FGF14: variants seen among roughly 807,000 people sequenced by gnomAD.
FGF14 encodes the protein fibroblast growth factor 14, also known as fibroblast growth factor homologous factor 4.
A neutral mutation model predicts 25.5 loss-of-function variants in FGF14; 5 were observed. The ratio of observed to expected loss-of-function variants is 0.20; its 90% CI spans 0.10 to 0.41. The LOEUF is 0.41. Among genes scored for constraint, FGF14 ranks in the 10% least tolerant of loss-of-function variants. The probability of loss-of-function intolerance (pLI) is 1.00; values close to 1 mark genes in which losing one functional copy is unlikely to be tolerated. For synonymous variants in FGF14, 138 were observed against 118.3 expected, an observed-to-expected ratio of 1.17 and a Z score of -1.08; for missense variants, 222 against 320.1, an observed-to-expected ratio of 0.69 and a Z score of 2.34.
chr13:101,745,629 G>T (rs2139808962), intron 3 of FGF14, among the ~76,000 whole-genome samples: 1 of 152,072 alleles, frequency 6.6e-6, no homozygotes, highest in African/African-American at 2.4e-5. Context: ...TTTACAAGTA[G>T]GTCTATTTAA....
intron 1 of FGF14, among the ~76,000 whole-genome samples, chr13:102,005,736 T>G (rs1039699340): frequency 4.6e-5 from 7 of 152,196 alleles, no homozygotes; most frequent in Admixed American, 1.3e-4. Context: ...ATATAATACA[T>G]GAAATAAATG....
At chr13:101,979,179 G>A (rs139158405) in intron 1 of FGF14, among the ~76,000 whole-genome samples, 6 of 152,302 alleles carry the variant, frequency 3.9e-5, no homozygotes, top group East Asian at 1.9e-4. Context: ...GCACTGTTCC[G>A]TGGTTCCATT....
intron 1 of FGF14, chr13:101,967,719 G>T (rs1184634146): frequency 6.5e-6 from 1 of 154,270 alleles, no homozygotes; most frequent in East Asian, 1.9e-4. Flanking sequence ...CCTGGAGGTG[G>T]TAAAACACAA....
intron 1 of FGF14, among the ~76,000 whole-genome samples, chr13:102,272,457 C>G (rs1331135045): frequency 6.6e-6 from 1 of 152,036 alleles, no homozygotes; most frequent in East Asian, 1.9e-4. Flanking sequence ...ATTTATTTCA[C>G]CCTTGTAAGT....
At chr13:101,906,690 A>G (rs1052338205) in intron 1 of FGF14, among the ~76,000 whole-genome samples, 1 of 152,144 alleles carries the variant, frequency 6.6e-6, no homozygotes. Flanking sequence ...CATGTCTATA[A>G]ATTTGTTCAT....
chr13:101,838,810 G>A (rs1394925645), intron 3 of FGF14, among the ~76,000 whole-genome samples: 1 of 152,016 alleles, frequency 6.6e-6, no homozygotes, highest in Non-Finnish European at 1.5e-5. Flanking sequence ...TAATGAAAAA[G>A]TTGATAAACA....
chr13:102,013,846 G>A (rs569800748), intron 1 of FGF14, among the ~76,000 whole-genome samples: 1 of 152,070 alleles, frequency 6.6e-6, no homozygotes. Flanking sequence ...ATATCTTTGG[G>A]TGGAGAGATG....
intron 3 of FGF14, among the ~76,000 whole-genome samples, chr13:101,850,805 G>T (rs773686573): frequency 3.0e-4 from 45 of 150,816 alleles, no homozygotes; most frequent in Middle Eastern, 3.4e-3. Context: ...TGAAATGCTA[G>T]AAGTCATGAG....
intron 1 of FGF14, among the ~76,000 whole-genome samples, chr13:102,386,168 T>C (rs1254458476): frequency 6.6e-6 from 1 of 150,822 alleles, no homozygotes; most frequent in Non-Finnish European, 1.5e-5. Flanking sequence ...GGAGTCTTGC[T>C]GTCTCCCAGG....
rs992119093 is a variant in FGF14 at position 101,916,828 on chromosome 13, G to A, written c.-183C>T. ...GACCGGGACCCATCGCCCTCTCCGC[G>A]GGGCGCGGGGCCAGGCGCGCAGATG... is the stretch of plus-strand genomic sequence containing the variant. On this transcript the variant is annotated 5_prime_UTR_variant, in exon 1 of 5. Coordinates refer to ENST00000376143, the MANE Select transcript of FGF14 (RefSeq NM_004115.4). Among the ~76,000 whole-genome samples, 4 of 152,132 alleles carry A rather than the reference G, an allele frequency of 2.6e-5. No individual in the cohort carries two copies. Among genetic ancestry groups the A allele is most frequent in the Non-Finnish European group, 5.9e-5 (4 of 68,002 alleles).
chr13:101,868,882 T>G (rs2044882779), intron 2 of FGF14, 54 bp from the exon 3 acceptor site: 1 of 1,162,484 alleles, frequency 8.6e-7, no homozygotes, highest in Non-Finnish European at 1.3e-6. Flanking sequence ...CAGGGCAGAG[T>G]GTAATTTTTT....
At chr13:101,863,962 C>T (rs576803221) in intron 3 of FGF14, among the ~76,000 whole-genome samples, 1 of 152,130 alleles carries the variant, frequency 6.6e-6, no homozygotes, top group South Asian at 2.1e-4. Flanking sequence ...CAGAGGAGGG[C>T]AGGTGAAACC....
intron 1 of FGF14, among the ~76,000 whole-genome samples, chr13:101,945,541 G>A (rs1020176980): frequency 6.6e-6 from 1 of 152,184 alleles, no homozygotes; most frequent in Non-Finnish European, 1.5e-5. Flanking sequence ...ACCGTGGCAA[G>A]AGGCTGAACC....
At chr13:102,238,114 A>T (rs2051413827) in intron 1 of FGF14, among the ~76,000 whole-genome samples, 1 of 152,214 alleles carries the variant, frequency 6.6e-6, no homozygotes, top group African/African-American at 2.4e-5. Flanking sequence ...CATGCTTACT[A>T]AATGAAATAA....
chr13:102,261,478 G>T (rs913199914), intron 1 of FGF14, among the ~76,000 whole-genome samples: 1 of 152,190 alleles, frequency 6.6e-6, no homozygotes, highest in East Asian at 1.9e-4. Context: ...CAGTTCCCAA[G>T]ATGTCACTAT....
rs182093315 is a variant in FGF14 at position 102,266,171 on chromosome 13, G to T, written c.208+135300C>A. ...TCTAATTAGTGATCCTTTACTTGGG[G>T]TGAGAAAATATAGGCTCAACTTCTA... On this transcript the variant is annotated intron_variant, in intron 1 of 4. Coordinates refer to the FGF14 transcript ENST00000376131. 1.7e-4 allele frequency among the ~76,000 whole-genome samples: 26 copies of T among 152,238 alleles called. No homozygotes were observed. In the East Asian group the frequency reaches 5.0e-3, roughly 29 times the overall value.
intron 1 of FGF14, among the ~76,000 whole-genome samples, chr13:102,040,709 A>T (rs1019539283): frequency 6.6e-6 from 1 of 152,108 alleles, no homozygotes; most frequent in Admixed American, 6.5e-5. Flanking sequence ...CTTGGTGAAA[A>T]CACATAAGTG....
At chr13:102,178,050 C>G (rs2140727974) in intron 1 of FGF14, among the ~76,000 whole-genome samples, 1 of 152,232 alleles carries the variant, frequency 6.6e-6, no homozygotes, top group South Asian at 2.1e-4. Context: ...AATCCTCCAG[C>G]ATCACACCCT....
intron 1 of FGF14, among the ~76,000 whole-genome samples, chr13:101,914,862 CTGTT>C (rs1405651170): frequency 4.6e-5 from 7 of 152,260 alleles, no homozygotes; most frequent in Non-Finnish European, 7.4e-5. Flanking sequence ...AAAAGATAGT[CTGTT>C]TGATGACATA....
Sources: allele counts gnomAD v4.1 joint callset (sites outside exome capture counted in the v4.1 genomes callset), GRCh38; gene constraint gnomAD v4.1.1; transcripts MANE v1.5; gene names NCBI Gene and HGNC (gene_info 2026-07-23, HGNC 2026-07-21).